AFF3: variants seen among roughly 807,000 people sequenced by gnomAD.
AFF3 encodes ALF transcription elongation factor 3.
In AFF3, 32 loss-of-function variants were observed where a neutral mutation model predicts 129.7. The ratio of observed to expected loss-of-function variants is 0.25; its 90% confidence interval spans 0.19 to 0.33. The LOEUF (loss-of-function observed/expected upper bound fraction) is 0.33. AFF3 is among the 10% of genes least tolerant of loss of function. The pLI, the probability that AFF3 is intolerant of heterozygous loss-of-function variation, is 1.00. For missense variants in AFF3, 1,373 were observed against 1,592.0 expected, an observed-to-expected ratio of 0.86 and a Z score of 2.34; for synonymous variants, 644 against 635.4, an observed-to-expected ratio of 1.01 and a Z score of -0.20.
intron 12 of AFF3, among the ~76,000 whole-genome samples, chr2:99,669,570 T>C (rs1029464766): frequency 2.6e-5 from 4 of 152,192 alleles, no homozygotes; most frequent in African/African-American, 7.2e-5. Flanking sequence ...GAGTGGTGAC[T>C]GGTGGGAGCA....
intron 4 of AFF3, among the ~76,000 whole-genome samples, chr2:100,084,630 C>T (rs1689282080): frequency 6.6e-6 from 1 of 151,504 alleles, no homozygotes; most frequent in Non-Finnish European, 1.5e-5. Flanking sequence ...ATTATACGTA[C>T]CCTATAAAAA....
At chr2:99,893,491 C>T (rs2106097098) in intron 7 of AFF3, among the ~76,000 whole-genome samples, 1 of 152,276 alleles carries the variant, frequency 6.6e-6, no homozygotes, top group East Asian at 1.9e-4. Flanking sequence ...GAAGGCGGAG[C>T]CCTTGTGATG....
chr2:99,714,339 T>C (rs1364848402), intron 11 of AFF3, among the ~76,000 whole-genome samples: 1 of 152,124 alleles, frequency 6.6e-6, no homozygotes, highest in Non-Finnish European at 1.5e-5. Context: ...CCAGTCTAAT[T>C]TGTGATTCTA....
At chr2:100,100,459 C>A (rs1690641719) in intron 4 of AFF3, among the ~76,000 whole-genome samples, 2 of 151,960 alleles carry the variant, frequency 1.3e-5, no homozygotes, top group South Asian at 4.2e-4. Flanking sequence ...CCCACCCACA[C>A]CATCTGTCTT....
At chr2:99,688,071 T>G (rs1217873527) in intron 11 of AFF3, among the ~76,000 whole-genome samples, 4 of 152,174 alleles carry the variant, frequency 2.6e-5, no homozygotes, top group Non-Finnish European at 5.9e-5. Flanking sequence ...CTTGATCTCC[T>G]GACCTCGTGA....
At chr2:99,689,827 A>G (rs1467397604) in intron 11 of AFF3, among the ~76,000 whole-genome samples, 1 of 151,998 alleles carries the variant, frequency 6.6e-6, no homozygotes, top group Non-Finnish European at 1.5e-5. Context: ...ATAAAAGCTT[A>G]CTTTAAAAAA....
chr2:100,059,742 A>G (rs1027141996), intron 4 of AFF3, among the ~76,000 whole-genome samples: 1 of 152,244 alleles, frequency 6.6e-6, no homozygotes, highest in Non-Finnish European at 1.5e-5. Flanking sequence ...ATTTTCATTC[A>G]GAGGCCACAT....
At chr2:99,947,633 T>TAGACAGACAGACAGAC (rs1211365979) in intron 7 of AFF3, among the ~76,000 whole-genome samples, 1 of 143,192 alleles carries the variant, frequency 7.0e-6, no homozygotes, top group African/African-American at 2.8e-5. Context: ...GATAGATAGA[T>TAGACAGACAGACAGAC]AGATAGATAG....
At chr2:99,898,918 C>T (rs1345792356) in intron 7 of AFF3, among the ~76,000 whole-genome samples, 2 of 152,216 alleles carry the variant, frequency 1.3e-5, no homozygotes, top group Non-Finnish European at 2.9e-5. Context: ...TCCTCCCCAC[C>T]AGCAGCCCAG....
chr2:99,975,098 C>T (rs778363584), intron 7 of AFF3, among the ~76,000 whole-genome samples: 25 of 151,878 alleles, frequency 1.6e-4, no homozygotes, highest in Non-Finnish European at 3.5e-4. Context: ...GCATTCATAC[C>T]CTGGTAATCA....
chr2:100,010,271 A>C (rs1193364700), intron 4 of AFF3, among the ~76,000 whole-genome samples: 1 of 152,234 alleles, frequency 6.6e-6, no homozygotes, highest in Non-Finnish European at 1.5e-5. Flanking sequence ...GTGATTTTTA[A>C]AAGCTAAATA....
chr2:99,751,739 G>T (rs1245056529), intron 9 of AFF3, among the ~76,000 whole-genome samples: 1 of 152,096 alleles, frequency 6.6e-6, no homozygotes, highest in East Asian at 1.9e-4. Context: ...TTTTTGGTGT[G>T]CTTTTCCTTA....
intron 8 of AFF3, among the ~76,000 whole-genome samples, chr2:99,786,954 T>A (rs753247699): frequency 2.0e-5 from 3 of 152,134 alleles, no homozygotes; most frequent in Non-Finnish European, 4.4e-5. Context: ...TATACAACAA[T>A]ATTAACACAG....
intron 10 of AFF3, among the ~76,000 whole-genome samples, chr2:99,728,638 T>G (rs1679557071): frequency 6.6e-6 from 1 of 152,104 alleles, no homozygotes; most frequent in South Asian, 2.1e-4. Flanking sequence ...CAGACATTTA[T>G]CCAGTGCCAG....
intron 13 of AFF3, among the ~76,000 whole-genome samples, chr2:99,633,555 G>A (rs968600940): frequency 1.3e-4 from 20 of 152,178 alleles, no homozygotes; most frequent in Non-Finnish European, 2.8e-4. Context: ...ACCAGCATTG[G>A]AGTTTGAGCC....
intron 4 of AFF3, among the ~76,000 whole-genome samples, chr2:100,085,996 A>G (rs1236120441): frequency 1.2e-4 from 18 of 152,098 alleles, no homozygotes; most frequent in Non-Finnish European, 1.5e-4. Context: ...TCTTGTGCAG[A>G]CACTGAGTTA....
At chr2:99,616,648 C>T (rs565841030) in intron 13 of AFF3, among the ~76,000 whole-genome samples, 20 of 151,950 alleles carry the variant, frequency 1.3e-4, no homozygotes, top group South Asian at 8.3e-4. Flanking sequence ...CCCAGCTACT[C>T]GGGAGGCTGA....
In AFF3 at chr2:100,007,317, G is replaced by C; in HGVS notation, c.318C>G (p.Asn106Lys). 6 of 1,614,148 alleles carry C rather than the reference G, an allele frequency of 3.7e-6. No individual in the cohort carries two copies. Among genetic ancestry groups the C allele is most frequent in the Non-Finnish European group, 5.1e-6 (6 of 1,180,028 alleles). ...CTGCAACAAAATGTTCATCGATCTT[G>C]TTCACAGGAGTCTGAGGAACCCCAG... is the stretch of plus-strand genomic sequence containing the variant. ...PKPGVPQTPV[N>K]KIDEHFVADS... Residue 106 changes from asparagine (N) to lysine (K), a missense_variant, in exon 6 of 25, where the codon AAC becomes AAG. By Grantham distance (94) the Asn-to-Lys change is moderately conservative. This residue lies in a region of AFF3 where 255 missense variants were observed against 256.0 expected (regional missense o/e 1.00). Transcript: ENST00000672756.
rs70940197 is a variant in AFF3, at chr2:100,140,978, G to GTGATGATGA, written c.-228+1497_-228+1505dup. ...TGATGGCTTAATTGTACAAAAGGTA[G>GTGATGATGA]TGATGATGATGATGATGATGATGAC... On this transcript the variant is annotated intron_variant, in intron 1 of 24. Transcript: ENST00000672756. 8.3e-4 allele frequency among the ~76,000 whole-genome samples: 125 copies of GTGATGATGA among 151,048 alleles called. No individual in the cohort carries two copies. The East Asian group carries it at 0.011, about 14-fold the overall frequency.
Sources: gnomAD v4.1 joint callset for allele counts (sites outside exome capture counted in the v4.1 genomes callset) on GRCh38, gnomAD v4.1.1 for gene constraint, gnomAD v4.1.1 regional missense constraint, MANE v1.5 for transcripts, NCBI Gene and HGNC (gene_info 2026-07-23, HGNC 2026-07-21) for gene names.